The following NSD2 variants were observed in gnomAD, a reference collection of about 807,000 sequenced individuals.
NSD2 encodes histone-lysine N-methyltransferase NSD2.
Under a neutral mutation model 139.0 loss-of-function variants are expected in NSD2, and 12 were observed. The ratio of observed to expected loss-of-function variants is 0.09; its 90% CI spans 0.06 to 0.14. The LOEUF is 0.14. NSD2 is among the 10% of genes least tolerant of loss of function. NSD2 has a pLI of 1.00. For missense variants in NSD2, 1,155 were observed against 1,745.0 expected (o/e 0.66, Z 6.02); for synonymous variants, 669 against 648.7 (o/e 1.03, Z -0.48).
intron 1 of NSD2, among the ~76,000 whole-genome samples, chr4:1,900,188 T>G (rs540233362): frequency 1.7e-4 from 26 of 152,366 alleles, no homozygotes; most frequent in African/African-American, 6.0e-4. Flanking sequence ...GTGTTGATTT[T>G]GCTTTTATGC....
At position 1,979,160 on chromosome 4, in the gene NSD2, C is replaced by T. The variant is rs1035586547; in HGVS notation, c.*251C>T. ...AAACAGCCTCACTCCTCAGCGTTACCGCCACACTTGAATTTCTCCGAATGT... is the reference window on the plus strand; with the variant it reads ...AAACAGCCTCACTCCTCAGCGTTACTGCCACACTTGAATTTCTCCGAATGT... On this transcript the variant is annotated 3_prime_UTR_variant, in exon 22 of 22. Coordinates refer to ENST00000508803, the MANE Select transcript of NSD2 (RefSeq NM_001042424.3). The T allele has an allele frequency of 3.0e-5, 12 of 406,592 alleles. No homozygotes were observed. The highest frequency in any genetic ancestry group is 2.3e-4 in the African/African-American group (11 of 48,788). 25.2% of individuals were successfully genotyped at this position (406,592 alleles called of 1,614,324 possible).
chr4:1,878,304 G>C (rs1714451138), intron 1 of NSD2, among the ~76,000 whole-genome samples: 1 of 124,568 alleles, frequency 8.0e-6, no homozygotes, highest in South Asian at 2.6e-4. Context: ...GTAGAGACTA[G>C]GCCATGTTGG....
intron 9 of NSD2, 71 bp from the exon 10 acceptor site, chr4:1,951,001 C>T: frequency 6.3e-7 from 1 of 1,584,010 alleles, no homozygotes; most frequent in Non-Finnish European, 8.6e-7. Flanking sequence ...CGGGACGAGC[C>T]TGCCTGCAGG....
chr4:1,878,889 G>T (rs1446233825), intron 1 of NSD2, among the ~76,000 whole-genome samples: 3 of 152,170 alleles, frequency 2.0e-5, no homozygotes, highest in Non-Finnish European at 1.5e-5. Context: ...GCATTGCCCG[G>T]ACTGGGCCAT....
intron 6 of NSD2, 53 bp downstream of exon 6, chr4:1,930,823 A>G (rs1721545706): frequency 1.3e-6 from 2 of 1,547,490 alleles, no homozygotes; most frequent in Admixed American, 3.7e-5. Context: ...TGTGTAGTGT[A>G]GCAAGCTGAG....
At chr4:1,918,670 G>T in intron 5 of NSD2, 47 bp downstream of exon 5, 1 of 1,601,902 alleles carries the variant, frequency 6.2e-7, no homozygotes, top group South Asian at 1.1e-5. Context: ...AGAATTTGAG[G>T]AACATCCCTT....
rs780603171 is a variant in NSD2, at chr4:1,974,633, C to T, written c.3373-230C>T. 2.0e-5 allele frequency: 14 copies of T among 700,920 alleles called. No individual in the cohort carries two copies. In the African/African-American group the frequency reaches 2.1e-4, roughly 10 times the overall value. 43.4% of individuals were successfully genotyped at this position (700,920 alleles called of 1,614,324 possible). ...GCTCCAGCTCCCTGTCCTGTCCTCC[C>T]CGGCGCTCACTAAGGCTCGGTCCTC... is the stretch of plus-strand genomic sequence containing the variant. On this transcript the variant is annotated intron_variant, in intron 18 of 21. Coordinates refer to ENST00000508803, the MANE Select transcript of NSD2 (RefSeq NM_001042424.3). The surrounding 1 kb of genome is among the most constrained non-coding windows in gnomAD (Gnocchi z 4.0).
chr4:1,900,568 T>C (rs1717014993), intron 1 of NSD2, 58 bp from the exon 2 acceptor site: 3 of 1,199,836 alleles, frequency 2.5e-6, no homozygotes, highest in African/African-American at 3.1e-5. Context: ...GGCATACCTA[T>C]CCTAGGTTTT....
chr4:1,954,357 G>T (rs1307979110), intron 12 of NSD2, among the ~76,000 whole-genome samples: 1 of 151,910 alleles, frequency 6.6e-6, no homozygotes, highest in Non-Finnish European at 1.5e-5. Context: ...TTAGGCCACT[G>T]CTCTGACCTC....
chr4:1,950,920 A>C (rs1234836259), intron 9 of NSD2, 152 bp from the exon 10 acceptor site: 1 of 1,053,150 alleles, frequency 9.5e-7, no homozygotes, highest in Non-Finnish European at 1.4e-6. Flanking sequence ...CCAGTTGATG[A>C]TGGTTCCACT....
chr4:1,963,532 G>A (rs1394640094), intron 18 of NSD2, among the ~76,000 whole-genome samples: 1 of 152,220 alleles, frequency 6.6e-6, no homozygotes, highest in Admixed American at 6.5e-5. Flanking sequence ...CTTATGTGCT[G>A]TAAGAAATGC....
At position 1,980,589 on chromosome 4, in the gene NSD2, TGTAAGCGTG is replaced by T. The variant is rs1305535082; in HGVS notation, c.*1682_*1690del. 3 of 233,020 alleles carry T rather than the reference TGTAAGCGTG, an allele frequency of 1.3e-5. No individual in the cohort carries two copies. Among genetic ancestry groups the T allele is most frequent in the Non-Finnish European group, 2.5e-5 (3 of 117,980 alleles). 14.4% of individuals were successfully genotyped at this position (233,020 alleles called of 1,614,324 possible). ...GTGGCTACTCCGTGGTTTTGTGACC[TGTAAGCGTG>T]GGGTTCAGGGGTGTGTGGCCCTGCA... On this transcript the variant is annotated 3_prime_UTR_variant, in exon 22 of 22. Transcript: ENST00000508803.
intron 1 of NSD2, 148 bp from the exon 2 acceptor site, chr4:1,900,478 C>T (rs1717002601): frequency 2.0e-6 from 1 of 489,188 alleles, no homozygotes; most frequent in Non-Finnish European, 3.5e-6. Flanking sequence ...CTAAAACTGC[C>T]TTCTGTGACC....
At chr4:1,901,883 T>G (rs1259613658) in intron 2 of NSD2, among the ~76,000 whole-genome samples, 1 of 152,228 alleles carries the variant, frequency 6.6e-6, no homozygotes, top group Non-Finnish European at 1.5e-5. Context: ...AATGAGTGTT[T>G]CCTTATCCTA....
chr4:1,896,108 C>T (rs759179277), intron 1 of NSD2, among the ~76,000 whole-genome samples: 1 of 152,248 alleles, frequency 6.6e-6, no homozygotes, highest in Admixed American at 6.5e-5. Flanking sequence ...TAGTAAGTGG[C>T]AGAGCTGGGA....
At chr4:1,926,650 T>C (rs1388319528) in intron 5 of NSD2, among the ~76,000 whole-genome samples, 2 of 151,998 alleles carry the variant, frequency 1.3e-5, no homozygotes, top group African/African-American at 4.8e-5. Context: ...GTTGTATTTT[T>C]AGTAGAGACA....
rs1577437179 is a variant in NSD2, at chr4:1,918,883, C to T, written c.1410+260C>T. ...CGAGAACAGGCCAGGCACAGTGGCT[C>T]ATGCCTGTAATTTCAGTACTTTGGG... On this transcript the variant is annotated intron_variant, in intron 5 of 21. Coordinates refer to ENST00000508803, the MANE Select transcript of NSD2 (RefSeq NM_001042424.3). 7 of 359,288 alleles carry T rather than the reference C, an allele frequency of 1.9e-5. No individual in the cohort carries two copies. In the East Asian group the frequency reaches 3.7e-4, roughly 19 times the overall value. 22.3% of individuals were successfully genotyped at this position (359,288 alleles called of 1,614,324 possible). A position where few individuals can be genotyped will look rare whatever the true frequency, so the allele number is the denominator to read the frequency against.
At chr4:1,943,802 A>G (rs1723347432) in intron 9 of NSD2, 1 of 1,062,210 alleles carries the variant, frequency 9.4e-7, no homozygotes, top group Non-Finnish European at 1.1e-6. Flanking sequence ...ATAAGCAGTC[A>G]CCCAAAGTAA....
chr4:1,975,934 CAG>C (rs1251512981), intron 20 of NSD2, among the ~76,000 whole-genome samples: 4 of 152,310 alleles, frequency 2.6e-5, no homozygotes, highest in East Asian at 1.9e-4. Flanking sequence ...CCAGGAAGGA[CAG>C]AGATTTGGGG....
Sources: allele counts gnomAD v4.1 joint callset (sites outside exome capture counted in the v4.1 genomes callset), GRCh38; gene constraint gnomAD v4.1.1; non-coding constraint Gnocchi (gnomAD v3.1); transcripts MANE v1.5; gene names NCBI Gene and HGNC (gene_info 2026-07-23, HGNC 2026-07-21).